FAM234B: variants seen among roughly 807,000 people sequenced by gnomAD.
FAM234B encodes the protein protein FAM234B.
FAM234B carries 33 observed loss-of-function variants against 69.3 expected under a neutral mutation model. The observed-to-expected ratio is 0.48, with a 90% CI of 0.36 to 0.64. The LOEUF (loss-of-function observed/expected upper bound fraction) is 0.64, where lower values mean the gene tolerates loss of function less well. Ranked by LOEUF, FAM234B falls within the 30% of genes least tolerant of loss-of-function variation. FAM234B has a pLI of 0.00. For missense variants in FAM234B, 697 were observed against 769.7 expected, an observed-to-expected ratio of 0.91 and a Z score of 1.12; for synonymous variants, 306 against 306.9, an observed-to-expected ratio of 1.00 and a Z score of 0.03.
At chr12:13,058,886 C>T (rs1864958516) in intron 3 of FAM234B, among the ~76,000 whole-genome samples, 1 of 152,198 alleles carries the variant, frequency 6.6e-6, no homozygotes, top group Non-Finnish European at 1.5e-5. Context: ...TTTCCATTGC[C>T]TCTTAGATTA....
At position 13,076,119 on chromosome 12, in the gene FAM234B, A is replaced by C; in HGVS notation, c.1618A>C (p.Thr540Pro). 6.2e-7 allele frequency: 1 copy of C among 1,613,708 alleles called. No homozygotes were observed. Among genetic ancestry groups the C allele is most frequent in the African/African-American group, 1.3e-5 (1 of 74,930 alleles). The change falls in exon 11 of 13, where the codon ACC becomes CCC. Residue 540 changes from threonine to proline, a missense_variant. Transcript: ENST00000197268. The part of the protein sequence containing the change: ...PSILLDLANT[T>P]GTVTASEVGI... ...CATCCTTCTGGATCTGGCCAACACCACCGGCACAGTGACGGCTTCAGAGGG... is the reference window on the plus strand; with the variant it reads ...CATCCTTCTGGATCTGGCCAACACCCCCGGCACAGTGACGGCTTCAGAGGG...
chr12:13,058,825 A>C (rs571500700), intron 3 of FAM234B, among the ~76,000 whole-genome samples: 1 of 152,328 alleles, frequency 6.6e-6, no homozygotes, highest in African/African-American at 2.4e-5. Flanking sequence ...TTGTCCACAC[A>C]CTTTGCAACG....
intron 11 of FAM234B, among the ~76,000 whole-genome samples, chr12:13,076,877 C>A (rs1865167595): frequency 6.6e-6 from 1 of 152,224 alleles, no homozygotes; most frequent in African/African-American, 2.4e-5. Context: ...ATGGAATCTG[C>A]TGTTCCTGTT....
chr12:13,056,783 C>T (rs1316692804), intron 2 of FAM234B, among the ~76,000 whole-genome samples: 1 of 152,190 alleles, frequency 6.6e-6, no homozygotes, highest in African/African-American at 2.4e-5. Context: ...GAGACCTTCA[C>T]AATCTCTTGT....
chr12:13,078,735 T>C (rs1179746212), intron 11 of FAM234B, among the ~76,000 whole-genome samples: 1 of 152,262 alleles, frequency 6.6e-6, no homozygotes, highest in South Asian at 2.1e-4. Flanking sequence ...GGCATTCTTA[T>C]ACACCAATAA....
At chr12:13,062,552 C>T in intron 4 of FAM234B, 2 of 258,576 alleles carry the variant, frequency 7.7e-6, no homozygotes, top group Non-Finnish European at 7.5e-6. Flanking sequence ...GTTCCCTCAC[C>T]CCAGGCAAGT....
At chr12:13,061,299 T>A (rs986112696) in intron 3 of FAM234B, among the ~76,000 whole-genome samples, 1 of 152,184 alleles carries the variant, frequency 6.6e-6, no homozygotes, top group Admixed American at 6.5e-5. Flanking sequence ...GTGGCAGACA[T>A]GTAAAGAGTA....
rs1358963457 is a variant in FAM234B at position 13,062,952 on chromosome 12, G to A, written c.829G>A (p.Val277Ile). The A allele has an allele frequency of 5.0e-6, 8 of 1,614,052 alleles. No individual in the cohort carries two copies. The East Asian group carries it at 6.7e-5, about 13-fold the overall frequency. The change falls in exon 5 of 13, where the codon GTT (valine) becomes ATT (isoleucine). Residue 277 changes from valine to isoleucine, a missense_variant. Physicochemically the swap from Val to Ile is conservative, Grantham distance 29 (BLOSUM62 3). Transcript: ENST00000197268. ...TGAAGACGGTGTTCGAGACCTTGTG[G>A]TTCTGGCCATTGGGGAATTGCAGGT... ...LDEDGVRDLV[V>I]LAIGELQPDL...
intron 2 of FAM234B, 97 bp downstream of exon 2, chr12:13,056,043 C>A: frequency 7.8e-7 from 1 of 1,277,576 alleles, no homozygotes; most frequent in Non-Finnish European, 1.0e-6. Context: ...TAATATGTGT[C>A]ATGCGGCATT....
chr12:13,071,161 G>T, intron 9 of FAM234B, 80 bp from the exon 10 acceptor site: 2 of 1,440,256 alleles, frequency 1.4e-6, no homozygotes, highest in Non-Finnish European at 1.9e-6. Context: ...GAATACCTGT[G>T]CATTTTTGTG....
chr12:13,055,131 C>T (rs1455417119), intron 1 of FAM234B, among the ~76,000 whole-genome samples: 2 of 152,106 alleles, frequency 1.3e-5, no homozygotes, highest in East Asian at 3.8e-4. Context: ...TAAAAGTTTA[C>T]CAGGAAAGAT....
chr12:13,076,784 A>G (rs974733741), intron 11 of FAM234B, among the ~76,000 whole-genome samples: 6 of 152,382 alleles, frequency 3.9e-5, no homozygotes, highest in African/African-American at 1.4e-4. Context: ...CCCTCAACTC[A>G]GGAAACCAAA....
At chr12:13,078,216 G>A (rs1486111482) in intron 11 of FAM234B, among the ~76,000 whole-genome samples, 1 of 151,676 alleles carries the variant, frequency 6.6e-6, no homozygotes, top group Non-Finnish European at 1.5e-5. Context: ...CCATTTTGTA[G>A]GTTGCCTGTT....
rs1865245594 is a variant in FAM234B, at chr12:13,082,417, T to C, written c.*1787T>C. 1 of 152,238 alleles carries C rather than the reference T, an allele frequency of 6.6e-6. No individual in the cohort carries two copies. Among genetic ancestry groups the C allele is most frequent in the Admixed American group, 6.5e-5 (1 of 15,286 alleles). The allele number at this position is 152,238 out of a possible 1,614,324, so 9.4% of individuals were successfully genotyped here. On this transcript the variant is annotated 3_prime_UTR_variant, in exon 13 of 13. Coordinates refer to ENST00000197268, the MANE Select transcript of FAM234B (RefSeq NM_020853.2). Reference sequence around the variant, plus strand: ...ATCCAAGCATGCATGTTGCCTGGCCTGTAGATTGGCCTTATCAGGTTTCTG... The same window carrying C: ...ATCCAAGCATGCATGTTGCCTGGCCCGTAGATTGGCCTTATCAGGTTTCTG...
At chr12:13,049,433 G>T (rs557186293) in intron 1 of FAM234B, among the ~76,000 whole-genome samples, 3 of 152,348 alleles carry the variant, frequency 2.0e-5, no homozygotes, top group South Asian at 4.1e-4. Context: ...GCTCGCCTTG[G>T]CCTCCCAAAG....
chr12:13,077,586 A>G (rs1345308522), intron 11 of FAM234B, among the ~76,000 whole-genome samples: 1 of 151,788 alleles, frequency 6.6e-6, no homozygotes, highest in Non-Finnish European at 1.5e-5. Flanking sequence ...CCATGTCCCT[A>G]CAAAGGACAT....
chr12:13,076,552 G>A (rs761396695), intron 11 of FAM234B, among the ~76,000 whole-genome samples: 20 of 152,360 alleles, frequency 1.3e-4, no homozygotes, highest in Admixed American at 3.3e-4. Flanking sequence ...ACATGATGGA[G>A]ATAGAATGTG....
At chr12:13,063,664 T>G (rs559422372) in intron 5 of FAM234B, among the ~76,000 whole-genome samples, 1 of 152,320 alleles carries the variant, frequency 6.6e-6, no homozygotes, top group East Asian at 1.9e-4. Flanking sequence ...ACAGATAAAA[T>G]AAGAGTAGTC....
At position 13,061,584 on chromosome 12, in the gene FAM234B, G is replaced by C; in HGVS notation, c.542G>C (p.Arg181Thr). 1.2e-6 allele frequency: 2 copies of C among 1,612,454 alleles called. 1 individual carries two copies. Among genetic ancestry groups the C allele is most frequent in the Non-Finnish European group, 1.7e-6 (2 of 1,179,146 alleles). Reference sequence around the variant, plus strand: ...TCTTGTGTGCTTTTAGGTGTCTCAAGACCAGCTGCTAATCTTGTATGCCTT... The same window carrying C: ...TCTTGTGTGCTTTTAGGTGTCTCAACACCAGCTGCTAATCTTGTATGCCTT... ...SRNGSAVGVS[R>T]PAANLVCLSG... Residue 181 changes from arginine to threonine, a missense_variant, in exon 4 of 13, where the codon AGA (arginine) becomes ACA (threonine). Around this residue, in one of 3 missense-constraint regions of FAM234B, gnomAD observed 380 missense variants for 447.1 expected, o/e 0.85. Coordinates refer to ENST00000197268, the MANE Select transcript of FAM234B (RefSeq NM_020853.2).
Sources: gnomAD v4.1 joint callset for allele counts (sites outside exome capture counted in the v4.1 genomes callset) on GRCh38, gnomAD v4.1.1 for gene constraint, gnomAD v4.1.1 regional missense constraint, MANE v1.5 for transcripts, NCBI Gene and HGNC (gene_info 2026-07-23, HGNC 2026-07-21) for gene names.